RBPJ: variants seen among roughly 807,000 people sequenced by gnomAD.
RBPJ encodes recombination signal binding protein for immunoglobulin kappa J region.
RBPJ carries 9 observed loss-of-function variants against 67.8 expected under a neutral mutation model. The ratio of observed to expected loss-of-function variants is 0.13; its 90% confidence interval spans 0.08 to 0.23. RBPJ has a LOEUF of 0.23. Among genes scored for constraint, RBPJ ranks in the 10% least tolerant of loss-of-function variants. RBPJ has a pLI of 1.00. For synonymous variants in RBPJ, 198 were observed against 203.3 expected (o/e 0.97, Z 0.22); for missense variants, 305 against 595.6 (o/e 0.51, Z 5.08).
intron 1 of RBPJ, among the ~76,000 whole-genome samples, chr4:26,374,290 A>T (rs1320802639): frequency 6.6e-6 from 1 of 152,020 alleles, no homozygotes; most frequent in Non-Finnish European, 1.5e-5. Context: ...TCAAGGAAAA[A>T]TTTACTCTTT....
chr4:26,221,090 T>TTTTTG (rs906131843), intron 1 of RBPJ, among the ~76,000 whole-genome samples: 2 of 152,192 alleles, frequency 1.3e-5, no homozygotes, highest in Non-Finnish European at 2.9e-5. Context: ...CTTAAATAGT[T>TTTTTG]TTTTGTTTTG....
chr4:26,404,962 G>A lies in RBPJ; in HGVS notation c.60-1213G>A, dbSNP rs116691844. ...GTGCTTTTTGTACATATCTCTACTT[G>A]GATTATTGCATTTAATTACAATTTG... On this transcript the variant is annotated intron_variant, in intron 2 of 10. Coordinates refer to ENST00000355476, the MANE Select transcript of RBPJ (RefSeq NM_015874.6). Among the ~76,000 whole-genome samples the A allele has an allele frequency of 3.5e-3, 526 of 152,110 alleles. 4 individuals carry two copies. The highest frequency in any genetic ancestry group is 0.012 in the African/African-American group (507 of 41,478).
At chr4:26,215,849 T>C (rs1300578495) in intron 1 of RBPJ, among the ~76,000 whole-genome samples, 1 of 152,180 alleles carries the variant, frequency 6.6e-6, no homozygotes, top group Non-Finnish European at 1.5e-5. Flanking sequence ...GGATTGAATT[T>C]GTTCAGTGCC....
At chr4:26,411,096 T>C (rs1733964237) in intron 3 of RBPJ, among the ~76,000 whole-genome samples, 1 of 152,170 alleles carries the variant, frequency 6.6e-6, no homozygotes, top group Admixed American at 6.5e-5. Flanking sequence ...TTCACACACC[T>C]GGCCTAAAAT....
chr4:26,158,945 T>TCTCTCTCTCTC (rs1716025420), upstream of RBPJ, among the ~76,000 whole-genome samples: 41 of 136,840 alleles, frequency 3.0e-4, no homozygotes, highest in East Asian at 4.4e-4. Context: ...CTCTCTCTCT[T>TCTCTCTCTCTC]TCTCTCTCTC....
intron 1 of RBPJ, among the ~76,000 whole-genome samples, chr4:26,189,282 G>T (rs2109138489): frequency 6.6e-6 from 1 of 152,222 alleles, no homozygotes; most frequent in Non-Finnish European, 1.5e-5. Context: ...ATTTAATAAA[G>T]TTATTTAATG....
In RBPJ at chr4:26,184,237, TGGTGGACTATTCAA is replaced by T. The variant is rs1034226332; in HGVS notation, c.-167+20640_-167+20653del. On this transcript the variant is annotated intron_variant, in intron 1 of 4. Transcript: ENST00000512351. ...TATCCAAACACTTGTTAAAGACAAG[TGGTGGACTATTCAA>T]GGTGGACTATTCAAGGGGCCCGTGG... is the stretch of plus-strand genomic sequence containing the variant. 2.4e-4 allele frequency among the ~76,000 whole-genome samples: 35 copies of T among 147,674 alleles called. 1 individual carries two copies. In the East Asian group the frequency reaches 3.4e-3, roughly 14 times the overall value.
chr4:26,129,304 C>T, the RBPJ span, among the ~76,000 whole-genome samples: 3 of 152,274 alleles, frequency 2.0e-5, no homozygotes, highest in South Asian at 6.2e-4. Flanking sequence ...TTCAAAGGAG[C>T]CTAAGAGTAT....
chr4:26,273,628 A>C (rs1720983066), intron 1 of RBPJ, among the ~76,000 whole-genome samples: 1 of 152,204 alleles, frequency 6.6e-6, no homozygotes, highest in Non-Finnish European at 1.5e-5. Flanking sequence ...TCCCACTTGC[A>C]CCTAGGGGTA....
the RBPJ span, among the ~76,000 whole-genome samples, chr4:26,114,499 GTA>G: frequency 4.7e-5 from 6 of 126,892 alleles, no homozygotes; most frequent in African/African-American, 1.7e-4. Context: ...ATATATATAT[GTA>G]TGTGTGTGTG....
At chr4:26,165,324 C>T (rs939077182) in intron 1 of RBPJ, among the ~76,000 whole-genome samples, 2 of 152,176 alleles carry the variant, frequency 1.3e-5, no homozygotes, top group Admixed American at 1.3e-4. Flanking sequence ...GTTCTTTATA[C>T]CTTTCAAAGT....
chr4:26,207,053 C>A (rs1266136027), intron 1 of RBPJ, among the ~76,000 whole-genome samples: 1 of 152,164 alleles, frequency 6.6e-6, no homozygotes, highest in Non-Finnish European at 1.5e-5. Context: ...TCAAGCAGTG[C>A]TCTCCATTCC....
At position 26,295,257 on chromosome 4, in the gene RBPJ, T is replaced by G. The variant is rs572672714; in HGVS notation, c.-166-67189T>G. Reference sequence around the variant, plus strand: ...GAAAGGGTGCATCAGTGTGTGTGTGTGTGTGTGTGTGTGGGTGTGTGTGTG... The same window carrying G: ...GAAAGGGTGCATCAGTGTGTGTGTGGGTGTGTGTGTGTGGGTGTGTGTGTG... On this transcript the variant is annotated intron_variant, in intron 1 of 4. Transcript: ENST00000512351. Among the ~76,000 whole-genome samples the G allele has an allele frequency of 2.6e-5, 4 of 151,836 alleles. No individual in the cohort carries two copies. In the East Asian group the frequency reaches 7.8e-4, roughly 30 times the overall value.
At chr4:26,385,631 T>C (rs1367733165) in intron 1 of RBPJ, among the ~76,000 whole-genome samples, 6 of 152,184 alleles carry the variant, frequency 3.9e-5, no homozygotes, top group Non-Finnish European at 5.9e-5. Flanking sequence ...ATTTTAAAAA[T>C]AGGCAAATTA....
intron 1 of RBPJ, among the ~76,000 whole-genome samples, chr4:26,301,293 A>G (rs1384187831): frequency 6.6e-6 from 1 of 152,130 alleles, no homozygotes; most frequent in African/African-American, 2.4e-5. Flanking sequence ...TTCTGGGTCC[A>G]AATAAAAAAA....
intron 1 of RBPJ, chr4:26,362,431 G>T: frequency 6.4e-6 from 9 of 1,407,496 alleles, no homozygotes; most frequent in African/African-American, 2.9e-5. Context: ...CTTATTTTTT[G>T]TTTTTGTTTT....
the RBPJ span, among the ~76,000 whole-genome samples, chr4:26,129,727 G>A: frequency 2.6e-5 from 4 of 152,014 alleles, no homozygotes; most frequent in Non-Finnish European, 4.4e-5. Context: ...ATGGCAACCC[G>A]GCCTGTTCAT....
intron 1 of RBPJ, among the ~76,000 whole-genome samples, chr4:26,211,801 A>G (rs1412891805): frequency 6.6e-6 from 1 of 152,172 alleles, no homozygotes. Context: ...GCCCCTTAAT[A>G]TGATCTTATT....
intron 2 of RBPJ, among the ~76,000 whole-genome samples, chr4:26,404,486 ACT>A (rs143202533): frequency 0.033 from 4,949 of 152,000 alleles, 111 homozygotes; most frequent in African/African-American, 0.065. Context: ...TCATAGTTTG[ACT>A]CTATCATTGT....
Sources: gnomAD v4.1 joint callset for allele counts (sites outside exome capture counted in the v4.1 genomes callset) on GRCh38, gnomAD v4.1.1 for gene constraint, MANE v1.5 for transcripts, NCBI Gene and HGNC (gene_info 2026-07-23, HGNC 2026-07-21) for gene names.